The following PDXDC1 variants were observed in gnomAD, a reference collection of about 807,000 sequenced individuals.
PDXDC1 encodes pyridoxal-dependent decarboxylase domain-containing protein 1.
PDXDC1 carries 42 observed loss-of-function variants against 100.1 expected under a neutral mutation model. The ratio of observed to expected loss-of-function variants is 0.42; its 90% CI spans 0.33 to 0.54. The LOEUF (loss-of-function observed/expected upper bound fraction) is 0.54. Ranked by LOEUF, PDXDC1 falls within the 20% of genes least tolerant of loss-of-function variation. The probability of loss-of-function intolerance (pLI) is 0.10; values close to 1 mark genes in which losing one functional copy is unlikely to be tolerated. For missense variants in PDXDC1, 636 were observed against 979.2 expected, an observed-to-expected ratio of 0.65 and a Z score of 4.68; for synonymous variants, 260 against 371.7, an observed-to-expected ratio of 0.70 and a Z score of 3.46.
In PDXDC1 at chr16:15,132,620, G is replaced by T. The variant is rs576769368; in HGVS notation, c.1400-6259G>T. On this transcript the variant is annotated intron_variant, in intron 16 of 16. Transcript: ENST00000535621. ...CCATGGCATGAAGGAGCCCAGGCTG[G>T]AGGCTCAGCTCCTCGGCCAAGCTGC... The T allele has an allele frequency of 1.4e-5, 11 of 777,324 alleles. No homozygotes were observed. The East Asian group carries it at 2.4e-4, about 17-fold the overall frequency. The allele number at this position is 777,324 out of a possible 1,614,324, so 48.2% of individuals were successfully genotyped here.
In PDXDC1 at chr16:15,084,549, A is replaced by C. The variant is rs544627815; in HGVS notation, c.1400-54330A>C. On this transcript the variant is annotated intron_variant, in intron 16 of 16. Coordinates refer to the PDXDC1 transcript ENST00000535621. ...AAAAAAAACATGCAATGTAAGACTC[A>C]AGCTTTAATACTATTAACATTTTAT... 197 of 886,832 alleles carry C rather than the reference A, an allele frequency of 2.2e-4. No individual in the cohort carries two copies. In the African/African-American group the frequency reaches 3.0e-3, roughly 14 times the overall value. The allele number at this position is 886,832 out of a possible 1,614,324, so 54.9% of individuals were successfully genotyped here. A position where few individuals can be genotyped will look rare whatever the true frequency, so the allele number is the denominator to read the frequency against.
At chr16:15,020,069 G>A (rs1219960408) in intron 12 of PDXDC1, among the ~76,000 whole-genome samples, 6 of 139,108 alleles carry the variant, frequency 4.3e-5, no homozygotes, top group Admixed American at 8.0e-5. Context: ...CCGAGATCGC[G>A]CCACTGCACT....
At chr16:15,102,894 GC>G (rs1184968176) in intron 16 of PDXDC1, among the ~76,000 whole-genome samples, 2 of 149,330 alleles carry the variant, frequency 1.3e-5, no homozygotes, top group Non-Finnish European at 2.9e-5. Flanking sequence ...AGCTGATTGA[GC>G]CATTGCACTC....
At chr16:15,001,368 A>G (rs530854873) in intron 3 of PDXDC1, among the ~76,000 whole-genome samples, 32 of 152,400 alleles carry the variant, frequency 2.1e-4, no homozygotes, top group African/African-American at 7.0e-4. Flanking sequence ...GCAAGCTTGT[A>G]ATCTCAGCTA....
At chr16:15,130,467 G>A in intron 16 of PDXDC1, 1 of 1,417,276 alleles carries the variant, frequency 7.1e-7, no homozygotes, top group South Asian at 1.2e-5. Flanking sequence ...GGGCAGGGAA[G>A]GGGCAGTGGA....
downstream of PDXDC1, among the ~76,000 whole-genome samples, chr16:15,144,239 C>T (rs2048519091): frequency 6.6e-6 from 1 of 152,212 alleles, no homozygotes; most frequent in African/African-American, 2.4e-5. Flanking sequence ...CCACTGTGGC[C>T]CCTTCCTCGC....
the PDXDC1 span, among the ~76,000 whole-genome samples, chr16:15,146,408 C>T: frequency 6.6e-6 from 1 of 152,194 alleles, no homozygotes; most frequent in South Asian, 2.1e-4. Context: ...GTGCCACTCG[C>T]CAGCTTACGT....
chr16:15,106,475 G>A lies in PDXDC1; in HGVS notation c.1400-32404G>A, dbSNP rs571126228. 2.0e-5 allele frequency among the ~76,000 whole-genome samples: 3 copies of A among 149,494 alleles called. No homozygotes were observed. The South Asian group carries it at 6.6e-4, about 33-fold the overall frequency. ...AGATGGCTGTAAGAGTACAGTCTGA[G>A]CCGGTCACGGTGGCTGATGCCTGTA... On this transcript the variant is annotated intron_variant, in intron 16 of 16. Transcript: ENST00000535621.
intron 17 of PDXDC1, 86 bp from the exon 18 acceptor site, chr16:15,032,775 T>C: frequency 1.2e-6 from 1 of 817,656 alleles, no homozygotes; most frequent in Non-Finnish European, 2.1e-6. Context: ...TGCATTGTCT[T>C]GCTAATATTT....
chr16:15,074,459 A>G (rs1045592837), intron 16 of PDXDC1, among the ~76,000 whole-genome samples: 4 of 152,196 alleles, frequency 2.6e-5, no homozygotes. Context: ...ATTTGATCTA[A>G]AACTGGCCAA....
chr16:15,128,933 G>T (rs2047907706), intron 16 of PDXDC1, among the ~76,000 whole-genome samples: 1 of 149,340 alleles, frequency 6.7e-6, no homozygotes, highest in African/African-American at 2.5e-5. Context: ...AGTCTCCCGA[G>T]GAGCTGGGAC....
At chr16:15,076,178 T>C (rs1221326023) in intron 16 of PDXDC1, among the ~76,000 whole-genome samples, 1 of 152,126 alleles carries the variant, frequency 6.6e-6, no homozygotes, top group African/African-American at 2.4e-5. Context: ...CTCCTTCCAC[T>C]GAACCCAACT....
At chr16:15,083,536 C>A (rs1319053973) in intron 16 of PDXDC1, 17 of 1,608,514 alleles carry the variant, frequency 1.1e-5, no homozygotes, top group Non-Finnish European at 1.4e-5. Context: ...GATTTTCGAA[C>A]AAATGGAAAT....
chr16:15,007,666 C>G lies in PDXDC1; in HGVS notation c.579+1083C>G, dbSNP rs549012322. On this transcript the variant is annotated intron_variant, in intron 6 of 22. Transcript: ENST00000396410. ...ACACTTAGTGACTTTTAAATTGATT[C>G]TGAGCTGTGATCACTGGTGTTAAGA... Among the ~76,000 whole-genome samples, 147 of 152,388 alleles carry G rather than the reference C, an allele frequency of 9.6e-4. 1 individual carries two copies. The highest frequency in any genetic ancestry group is 1.6e-3 in the Non-Finnish European group (107 of 68,044).
intron 17 of PDXDC1, 32 bp downstream of exon 17, chr16:15,031,938 G>A (rs976815166): frequency 5.8e-6 from 9 of 1,549,870 alleles, no homozygotes; most frequent in Non-Finnish European, 7.9e-6. Flanking sequence ...TGATGTTGGA[G>A]ACTTTTCTGT....
Position 15,031,898 on chromosome 16 carries a change from G to A in PDXDC1, c.1563G>A (p.Gly521=), listed in dbSNP as rs1410298481. 6.2e-7 allele frequency: 1 copy of A among 1,606,662 alleles called. No homozygotes were observed. Among genetic ancestry groups the A allele is most frequent in the Non-Finnish European group, 8.5e-7 (1 of 1,175,732 alleles). ...ATGACCCTAACTGGTCTGGAATAGG[G>A]GTTGTCAGGTAAAGTCTTGGCCTGC... ...YVDDPNWSGI[G]VVRYEHANDD... The change falls in exon 17 of 23, where the codon GGG becomes GGA. Residue 521 remains glycine (G), a synonymous_variant. Transcript: ENST00000396410.
At chr16:15,088,147 A>G (rs1335641165) in intron 16 of PDXDC1, among the ~76,000 whole-genome samples, 2 of 151,930 alleles carry the variant, frequency 1.3e-5, no homozygotes, top group Non-Finnish European at 2.9e-5. Flanking sequence ...AATCAGTTGC[A>G]GACTTTGATG....
chr16:14,994,362 G>A (rs370028548), intron 1 of PDXDC1, among the ~76,000 whole-genome samples: 2 of 152,398 alleles, frequency 1.3e-5, no homozygotes, highest in African/African-American at 4.8e-5. Context: ...ACATATGGCT[G>A]GCCAGTTTTC....
chr16:15,131,393 T>C (rs543514257), intron 16 of PDXDC1: 30 of 1,598,186 alleles, frequency 1.9e-5, no homozygotes, highest in African/African-American at 2.7e-5. Context: ...ACCAGAAAGA[T>C]GAGCTGCACC....
Sources: allele counts gnomAD v4.1 joint callset (sites outside exome capture counted in the v4.1 genomes callset), GRCh38; gene constraint gnomAD v4.1.1; transcripts MANE v1.5; gene names NCBI Gene and HGNC (gene_info 2026-07-23, HGNC 2026-07-21).